NRG3: variants seen among roughly 807,000 people sequenced by gnomAD.
NRG3 encodes neuregulin 3, also known as pro-neuregulin-3, membrane-bound isoform.
In NRG3, 31 loss-of-function variants were observed where a neutral mutation model predicts 66.9. The observed-to-expected ratio is 0.46, with a 90% CI of 0.35 to 0.63. NRG3 has a LOEUF of 0.63. Among genes scored for constraint, NRG3 ranks in the 20% least tolerant of loss-of-function variants. The pLI is 0.00. For missense variants in NRG3, 910 were observed against 878.9 expected, an observed-to-expected ratio of 1.04 and a Z score of -0.45; for synonymous variants, 393 against 359.4, an observed-to-expected ratio of 1.09 and a Z score of -1.06.
At chr10:82,608,074 CA>C (rs1361522479) in intron 2 of NRG3, among the ~76,000 whole-genome samples, 2 of 152,012 alleles carry the variant, frequency 1.3e-5, no homozygotes, top group African/African-American at 4.8e-5. Flanking sequence ...TGACTTATAC[CA>C]TGTAAGTTTC....
intron 1 of NRG3, among the ~76,000 whole-genome samples, chr10:82,263,579 C>T (rs1211984155): frequency 1.3e-5 from 2 of 151,976 alleles, no homozygotes; most frequent in African/African-American, 2.4e-5. Flanking sequence ...TCAAGAATAA[C>T]CTATAATCTT....
At chr10:82,348,217 T>C (rs1222144252) in intron 1 of NRG3, among the ~76,000 whole-genome samples, 2 of 152,240 alleles carry the variant, frequency 1.3e-5, no homozygotes, top group Non-Finnish European at 2.9e-5. Context: ...TGTTGTTCTT[T>C]TCCATGTTTA....
At chr10:82,646,495 G>A (rs146911673) in intron 2 of NRG3, among the ~76,000 whole-genome samples, 1,570 of 152,204 alleles carry the variant, frequency 0.01, 25 homozygotes, top group African/African-American at 0.037. Context: ...ATCATAGCAT[G>A]TCCCCCAGTT....
chr10:82,281,472 C>A (rs1446725950), intron 1 of NRG3, among the ~76,000 whole-genome samples: 1 of 151,964 alleles, frequency 6.6e-6, no homozygotes, highest in Non-Finnish European at 1.5e-5. Context: ...AAGAAGAAAT[C>A]TGTTGCACAG....
At chr10:82,015,189 A>AG (rs1375534119) in intron 1 of NRG3, among the ~76,000 whole-genome samples, 1 of 152,190 alleles carries the variant, frequency 6.6e-6, no homozygotes, top group African/African-American at 2.4e-5. Flanking sequence ...AAATGTAAAA[A>AG]TTCTTACTTG....
At chr10:82,807,740 T>C (rs901244906) in intron 3 of NRG3, among the ~76,000 whole-genome samples, 1 of 152,324 alleles carries the variant, frequency 6.6e-6, no homozygotes, top group East Asian at 1.9e-4. Context: ...TACTGATTTA[T>C]ACATCATGCC....
At chr10:82,524,409 G>A (rs1156345864) in intron 2 of NRG3, among the ~76,000 whole-genome samples, 3 of 151,832 alleles carry the variant, frequency 2.0e-5, no homozygotes, top group Non-Finnish European at 4.4e-5. Context: ...TCCTTATTCA[G>A]TATTTAAATT....
intron 3 of NRG3, among the ~76,000 whole-genome samples, chr10:82,764,177 G>A (rs2059426397): frequency 6.6e-6 from 1 of 151,996 alleles, no homozygotes; most frequent in Non-Finnish European, 1.5e-5. Context: ...TGGGAATACA[G>A]GCATGCGCCA....
intron 3 of NRG3, among the ~76,000 whole-genome samples, chr10:82,793,863 A>G (rs2060688214): frequency 6.6e-6 from 1 of 152,158 alleles, no homozygotes; most frequent in African/African-American, 2.4e-5. Context: ...CAAGCCTAAC[A>G]TTAATACCAC....
intron 3 of NRG3, among the ~76,000 whole-genome samples, chr10:82,772,930 C>G (rs2059772325): frequency 6.6e-6 from 1 of 151,918 alleles, no homozygotes; most frequent in Non-Finnish European, 1.5e-5. Flanking sequence ...GTCTTGAACT[C>G]CTAGGCTCAA....
At chr10:82,856,095 G>A (rs1372662632) in intron 3 of NRG3, among the ~76,000 whole-genome samples, 2 of 152,112 alleles carry the variant, frequency 1.3e-5, no homozygotes, top group Admixed American at 6.5e-5. Context: ...TGCCACCAGA[G>A]GTGTCATGTT....
chr10:82,259,943 CA>C (rs1038210950), intron 1 of NRG3, among the ~76,000 whole-genome samples: 1 of 75,896 alleles, frequency 1.3e-5, no homozygotes, highest in Non-Finnish European at 2.8e-5. Context: ...ATTAAAAAAA[CA>C]AAACAAAACT....
intron 1 of NRG3, among the ~76,000 whole-genome samples, chr10:82,181,356 C>G (rs567002584): frequency 1.1e-3 from 172 of 151,562 alleles, no homozygotes; most frequent in Non-Finnish European, 1.9e-3. Context: ...TGAGATCTTT[C>G]TCCTTTTTAA....
rs545620862 is a variant in NRG3, at chr10:81,907,754, CA to C, written c.823+31592del. ...TTTAGCTCTGGGAAACTAATCTTAA[CA>C]GTGCATGTTTTAAAATAGTAAGGCT... On this transcript the variant is annotated intron_variant, in intron 1 of 8. Coordinates refer to ENST00000372141, the MANE Select transcript of NRG3 (RefSeq NM_001010848.4). Among the ~76,000 whole-genome samples the C allele has an allele frequency of 5.7e-3, 874 of 152,224 alleles. 7 individuals carry two copies. Among genetic ancestry groups the C allele is most frequent in the South Asian group, 0.011 (54 of 4,812 alleles).
intron 2 of NRG3, among the ~76,000 whole-genome samples, chr10:82,595,796 A>G (rs1461430273): frequency 1.3e-5 from 2 of 151,408 alleles, no homozygotes; most frequent in East Asian, 3.9e-4. Flanking sequence ...AAAAAAAAAA[A>G]TAGATTGGAA....
intron 2 of NRG3, among the ~76,000 whole-genome samples, chr10:82,419,398 C>T (rs948048201): frequency 9.2e-5 from 14 of 152,164 alleles, no homozygotes; most frequent in African/African-American, 3.4e-4. Context: ...TTCTTGATCA[C>T]TTGTCTAAAA....
At chr10:82,034,653 T>C (rs1378487966) in intron 1 of NRG3, among the ~76,000 whole-genome samples, 3 of 152,122 alleles carry the variant, frequency 2.0e-5, no homozygotes, top group African/African-American at 7.2e-5. Flanking sequence ...AGCCATTCCC[T>C]GGAGTACACC....
intron 1 of NRG3, among the ~76,000 whole-genome samples, chr10:81,896,904 A>G (rs1032220892): frequency 2.6e-5 from 4 of 152,146 alleles, no homozygotes; most frequent in South Asian, 2.1e-4. Context: ...CTCAAACCCA[A>G]CACCCCTGGA....
intron 2 of NRG3, among the ~76,000 whole-genome samples, chr10:82,389,188 C>T (rs1460462819): frequency 4.6e-5 from 7 of 152,166 alleles, no homozygotes; most frequent in Admixed American, 4.6e-4. Flanking sequence ...AATTAAGTGA[C>T]TTGCCACAGG....
Sources: gnomAD v4.1 joint callset for allele counts (sites outside exome capture counted in the v4.1 genomes callset) on GRCh38, gnomAD v4.1.1 for gene constraint, MANE v1.5 for transcripts, NCBI Gene and HGNC (gene_info 2026-07-23, HGNC 2026-07-21) for gene names.